Variants in DLGAP2 observed in about 807,000 individuals in gnomAD.
The protein encoded by DLGAP2 is disks large-associated protein 2.
DLGAP2 carries 26 observed loss-of-function variants against 100.3 expected under a neutral mutation model. The observed-to-expected ratio is 0.26, with a 90% CI of 0.19 to 0.36. DLGAP2 has a LOEUF of 0.36. Ranked by LOEUF, DLGAP2 falls within the 10% of genes least tolerant of loss-of-function variation. DLGAP2 has a pLI of 1.00. For missense variants in DLGAP2, 1,858 were observed against 1,453.2 expected, an observed-to-expected ratio of 1.28 and a Z score of -4.53; for synonymous variants, 886 against 630.1, an observed-to-expected ratio of 1.41 and a Z score of -6.08.
At chr8:1,209,081 A>G (rs565299817) in intron 2 of DLGAP2, among the ~76,000 whole-genome samples, 1 of 152,228 alleles carries the variant, frequency 6.6e-6, no homozygotes, top group East Asian at 1.9e-4. Flanking sequence ...ACTGCCAAAC[A>G]CAATGGATAA....
chr8:897,139 A>G (rs907722662), intron 1 of DLGAP2, among the ~76,000 whole-genome samples: 2 of 152,128 alleles, frequency 1.3e-5, no homozygotes, highest in African/African-American at 4.8e-5. Flanking sequence ...GTTCACTGTG[A>G]CAAACGCTGA....
intron 6 of DLGAP2, among the ~76,000 whole-genome samples, chr8:1,574,441 A>T (rs1238196508): frequency 6.6e-6 from 1 of 152,108 alleles, no homozygotes; most frequent in African/African-American, 2.4e-5. Flanking sequence ...CACCACCGGA[A>T]GTCAACTCTA....
intron 2 of DLGAP2, among the ~76,000 whole-genome samples, chr8:916,563 G>A (rs183626319): frequency 8.1e-4 from 124 of 152,232 alleles, no homozygotes; most frequent in African/African-American, 2.8e-3. Flanking sequence ...TGTAAATGAT[G>A]AGTTAATGGG....
chr8:1,552,356 C>G (rs1309931165), intron 5 of DLGAP2, among the ~76,000 whole-genome samples: 1 of 152,218 alleles, frequency 6.6e-6, no homozygotes, highest in African/African-American at 2.4e-5. Context: ...GAAACCACCT[C>G]TTCGGGGCAT....
chr8:1,511,730 ACAAT>A (rs1205563436), intron 4 of DLGAP2, among the ~76,000 whole-genome samples: 3 of 152,010 alleles, frequency 2.0e-5, no homozygotes, highest in Middle Eastern at 3.4e-3. Context: ...CTAGTGTAAG[ACAAT>A]CAATAGATGA....
intron 2 of DLGAP2, among the ~76,000 whole-genome samples, chr8:1,140,457 C>T (rs957410167): frequency 2.0e-5 from 3 of 152,148 alleles, no homozygotes; most frequent in African/African-American, 7.2e-5. Flanking sequence ...CAGAACCAGC[C>T]CTGGTGCCCT....
intron 1 of DLGAP2, among the ~76,000 whole-genome samples, chr8:858,693 C>T (rs1311367518): frequency 9.0e-5 from 13 of 145,030 alleles, no homozygotes; most frequent in African/African-American, 3.4e-4. Flanking sequence ...ATGTGTGATG[C>T]TGTCATTGTA....
intron 2 of DLGAP2, among the ~76,000 whole-genome samples, chr8:974,221 C>G (rs996561491): frequency 6.6e-6 from 1 of 152,082 alleles, no homozygotes; most frequent in Non-Finnish European, 1.5e-5. Flanking sequence ...ATTTCATATT[C>G]AAACTATAGA....
intron 3 of DLGAP2, among the ~76,000 whole-genome samples, chr8:1,441,798 T>A (rs960616652): frequency 2.4e-4 from 35 of 145,966 alleles, no homozygotes; most frequent in Middle Eastern, 3.5e-3. Flanking sequence ...TTTTTTTTTT[T>A]ATTTAATTTA....
At chr8:1,668,288 G>A in intron 8 of DLGAP2, 41 bp from the exon 9 acceptor site, 3 of 1,441,194 alleles carry the variant, frequency 2.1e-6, no homozygotes, top group Non-Finnish European at 2.8e-6. Flanking sequence ...GGCTGACGGG[G>A]AAGAACACGC....
intron 1 of DLGAP2, among the ~76,000 whole-genome samples, chr8:795,591 A>C (rs1268728415): frequency 7.0e-6 from 1 of 143,720 alleles, no homozygotes; most frequent in African/African-American, 2.6e-5. Context: ...TGCATCGGAG[A>C]CTCACAGGTC....
intron 2 of DLGAP2, among the ~76,000 whole-genome samples, chr8:1,193,921 G>T (rs891057590): frequency 6.6e-6 from 1 of 152,116 alleles, no homozygotes; most frequent in African/African-American, 2.4e-5. Flanking sequence ...GCCGCTGGAG[G>T]GACGTTTTCG....
intron 2 of DLGAP2, among the ~76,000 whole-genome samples, chr8:1,157,236 G>A (rs959963457): frequency 7.9e-5 from 12 of 152,070 alleles, no homozygotes; most frequent in Non-Finnish European, 5.9e-5. Context: ...GAGCATTCAC[G>A]CGATTCCCCA....
At chr8:1,185,206 C>G (rs1207743627) in intron 2 of DLGAP2, among the ~76,000 whole-genome samples, 2 of 152,136 alleles carry the variant, frequency 1.3e-5, no homozygotes, top group African/African-American at 2.4e-5. Context: ...CTCTCCAGGG[C>G]TCCACAGAAA....
At chr8:1,324,293 G>A (rs1046400454) in intron 3 of DLGAP2, among the ~76,000 whole-genome samples, 5 of 152,170 alleles carry the variant, frequency 3.3e-5, no homozygotes, top group African/African-American at 1.2e-4. Context: ...TTGAGCTCCA[G>A]GCCATTTTGT....
At chr8:1,224,652 T>C (rs1354309615) in intron 2 of DLGAP2, among the ~76,000 whole-genome samples, 2 of 152,170 alleles carry the variant, frequency 1.3e-5, no homozygotes, top group East Asian at 3.8e-4. Flanking sequence ...ATTACTAAAA[T>C]CCAGAATGAA....
At chr8:1,272,111 T>C (rs1410183784) in intron 3 of DLGAP2, among the ~76,000 whole-genome samples, 1 of 152,210 alleles carries the variant, frequency 6.6e-6, no homozygotes, top group Non-Finnish European at 1.5e-5. Flanking sequence ...CAACCATGCC[T>C]AGCCTAGAAT....
intron 3 of DLGAP2, among the ~76,000 whole-genome samples, chr8:1,492,702 C>A (rs1799424888): frequency 6.6e-6 from 1 of 152,232 alleles, no homozygotes; most frequent in South Asian, 2.1e-4. Flanking sequence ...ATGGACCCCC[C>A]GCCTCCCTGA....
intron 1 of DLGAP2, among the ~76,000 whole-genome samples, chr8:896,850 G>C (rs1474576971): frequency 6.6e-6 from 1 of 152,208 alleles, no homozygotes; most frequent in Admixed American, 6.5e-5. Flanking sequence ...AGCTGACTAA[G>C]ACAAGTGGTG....
Sources: allele counts gnomAD v4.1 joint callset (sites outside exome capture counted in the v4.1 genomes callset), GRCh38; gene constraint gnomAD v4.1.1; transcripts MANE v1.5; gene names NCBI Gene and HGNC (gene_info 2026-07-23, HGNC 2026-07-21).